Variants in TEX29 observed in about 807,000 individuals in gnomAD.
TEX29 encodes the protein testis-expressed protein 29.
Under a neutral mutation model 18.2 loss-of-function variants are expected in TEX29, and 26 were observed. The observed-to-expected ratio is 1.43, with a 90% CI of 1.04 to 1.98. TEX29 has a LOEUF of 1.98. Ranked by LOEUF, TEX29 falls within the 30% of genes most tolerant of loss-of-function variation. TEX29 has a pLI of 0.00. For missense variants in TEX29, 177 were observed against 194.2 expected (o/e 0.91, Z 0.53); for synonymous variants, 83 against 78.5 (o/e 1.06, Z -0.31).
chr13:111,320,536 A>G (rs1259099587), upstream of TEX29: 4 of 353,526 alleles, frequency 1.1e-5, no homozygotes, highest in Non-Finnish European at 2.1e-5. Context: ...GTCAAGGTGG[A>G]CACGCACACG....
At chr13:111,317,957 G>A (rs144160697), upstream of TEX29, among the ~76,000 whole-genome samples, 535 of 152,294 alleles carry the variant, frequency 3.5e-3, 5 homozygotes, top group African/African-American at 0.012. Flanking sequence ...ACAGGGCCAC[G>A]CTTACAACCT....
At position 111,328,166 on chromosome 13, in the gene TEX29, T is replaced by C; in HGVS notation, c.59-17T>C. The C allele has an allele frequency of 6.4e-7, 1 of 1,553,994 alleles. No homozygotes were observed. On this transcript the variant is annotated splice_polypyrimidine_tract_variant and intron_variant, in intron 2 of 5. Coordinates refer to ENST00000283547, the MANE Select transcript of TEX29 (RefSeq NM_152324.3). ...TGTTTTCGGGGGTGACACTTGTGTA[T>C]GTCTGTGCTTTTGCAGTGTGTGACG... is the stretch of plus-strand genomic sequence containing the variant.
intron 2 of TEX29, among the ~76,000 whole-genome samples, chr13:111,322,296 G>A (rs1320769395): frequency 6.6e-6 from 1 of 152,228 alleles, no homozygotes; most frequent in African/African-American, 2.4e-5. Context: ...CTGGGGCCCC[G>A]AGGGAACGGG....
chr13:111,320,812 G>A (rs751395829), intron 1 of TEX29, 45 bp from the exon 2 acceptor site: 20 of 1,589,524 alleles, frequency 1.3e-5, no homozygotes, highest in Non-Finnish European at 1.6e-5. Context: ...CTCCCCAAAC[G>A]ACGTCCCCAG....
At chr13:111,320,802 C>G in intron 1 of TEX29, 40 bp downstream of exon 1, 2 of 1,554,604 alleles carry the variant, frequency 1.3e-6, no homozygotes, top group Non-Finnish European at 1.8e-6. Flanking sequence ...GAGCCGCCCG[C>G]TCCCCAAACG....
chr13:111,332,764 T>C (rs2093684497), intron 3 of TEX29, among the ~76,000 whole-genome samples: 1 of 152,212 alleles, frequency 6.6e-6, no homozygotes, highest in African/African-American at 2.4e-5. Context: ...TGAGTGTTTT[T>C]ATCATGAAAG....
intron 3 of TEX29, among the ~76,000 whole-genome samples, chr13:111,333,820 T>TG (rs1435809440): frequency 6.6e-6 from 1 of 152,172 alleles, no homozygotes; most frequent in Admixed American, 6.5e-5. Context: ...TCGGATCTTG[T>TG]GAGAACTCAG....
intron 2 of TEX29, 50 bp downstream of exon 2, chr13:111,320,998 G>GA (rs565182299): frequency 2.9e-6 from 3 of 1,040,350 alleles, no homozygotes; most frequent in African/African-American, 3.2e-5. Context: ...GAGCAGTTGG[G>GA]GGGGGGCACA....
At chr13:111,329,295 C>T (rs1469773446) in intron 3 of TEX29, among the ~76,000 whole-genome samples, 1 of 152,068 alleles carries the variant, frequency 6.6e-6, no homozygotes, top group African/African-American at 2.4e-5. Context: ...TCTCACAGCT[C>T]TAGGCTTCCT....
chr13:111,320,980 GGGT>G, intron 2 of TEX29, 32 bp downstream of exon 2: 1 of 1,218,706 alleles, frequency 8.2e-7, no homozygotes, highest in Non-Finnish European at 1.2e-6. Context: ...GGGGCGGGTG[GGGT>G]GGGGGAGCAG....
intron 2 of TEX29, among the ~76,000 whole-genome samples, chr13:111,323,299 G>T (rs963028970): frequency 2.6e-5 from 4 of 152,234 alleles, no homozygotes; most frequent in African/African-American, 9.6e-5. Flanking sequence ...TGACCTGGGG[G>T]TGAAAGAGCG....
chr13:111,322,647 G>A (rs1258776346), intron 2 of TEX29, among the ~76,000 whole-genome samples: 2 of 152,210 alleles, frequency 1.3e-5, no homozygotes, highest in Non-Finnish European at 2.9e-5. Flanking sequence ...CCATGGCCAT[G>A]CCCAGGACCC....
intron 3 of TEX29, among the ~76,000 whole-genome samples, chr13:111,331,387 C>A (rs1204674604): frequency 2.7e-5 from 4 of 148,236 alleles, no homozygotes; most frequent in Non-Finnish European, 1.5e-5. Context: ...GTCCTTTGCC[C>A]AGTTTTAAAT....
chr13:111,329,709 G>A (rs2153641606), intron 3 of TEX29, among the ~76,000 whole-genome samples: 1 of 152,284 alleles, frequency 6.6e-6, no homozygotes, highest in Admixed American at 6.5e-5. Context: ...AGGCTGGGAA[G>A]AGGGGCTTAA....
chr13:111,337,988 C>T (rs929866014), intron 3 of TEX29, among the ~76,000 whole-genome samples: 1 of 152,148 alleles, frequency 6.6e-6, no homozygotes, highest in Non-Finnish European at 1.5e-5. Context: ...TCTCAGTTTT[C>T]TGACTTCAGT....
intron 4 of TEX29, among the ~76,000 whole-genome samples, chr13:111,342,127 G>T (rs2093697531): frequency 2.0e-5 from 3 of 152,200 alleles, no homozygotes; most frequent in Admixed American, 2.0e-4. Flanking sequence ...CCAGGGCAGG[G>T]CTGGAATCCA....
intron 2 of TEX29, among the ~76,000 whole-genome samples, chr13:111,327,269 G>C (rs183312226): frequency 7.7e-4 from 118 of 152,330 alleles, no homozygotes; most frequent in African/African-American, 2.7e-3. Flanking sequence ...TTGCAAACCT[G>C]GAATGGGGGT....
chr13:111,334,796 A>G (rs922717485), intron 3 of TEX29, among the ~76,000 whole-genome samples: 5 of 152,266 alleles, frequency 3.3e-5, no homozygotes, highest in African/African-American at 1.2e-4. Context: ...TAAAGCTGAT[A>G]TTCCAAGGAA....
At chr13:111,334,797 T>C (rs918115964) in intron 3 of TEX29, among the ~76,000 whole-genome samples, 1 of 152,244 alleles carries the variant, frequency 6.6e-6, no homozygotes, top group Non-Finnish European at 1.5e-5. Flanking sequence ...AAAGCTGATA[T>C]TCCAAGGAAG....
Sources: gnomAD v4.1 joint callset for allele counts (sites outside exome capture counted in the v4.1 genomes callset) on GRCh38, gnomAD v4.1.1 for gene constraint, MANE v1.5 for transcripts, NCBI Gene and HGNC (gene_info 2026-07-23, HGNC 2026-07-21) for gene names.